Variants in RAPGEF6 observed in about 807,000 individuals in gnomAD.
RAPGEF6 encodes the protein PDZ domain containing guanine nucleotide exchange factor (GEF) 2.
Under a neutral mutation model 171.4 loss-of-function variants are expected in RAPGEF6, and 56 were observed. That is an observed-to-expected ratio of 0.33 (90% CI 0.26 to 0.41). The LOEUF is 0.41. Ranked by LOEUF, RAPGEF6 falls within the 10% of genes least tolerant of loss-of-function variation. The pLI, the probability that RAPGEF6 is intolerant of heterozygous loss-of-function variation, is 1.00. For missense variants in RAPGEF6, 1,674 were observed against 1,921.4 expected, an observed-to-expected ratio of 0.87 and a Z score of 2.41; for synonymous variants, 692 against 650.1, an observed-to-expected ratio of 1.06 and a Z score of -0.98.
intron 3 of RAPGEF6, among the ~76,000 whole-genome samples, chr5:131,598,332 T>C (rs1764025569): frequency 6.6e-6 from 1 of 151,736 alleles, no homozygotes. Context: ...GTAAAGGAAA[T>C]ATGGGACAAA....
intron 1 of RAPGEF6, among the ~76,000 whole-genome samples, chr5:131,617,917 T>C (rs1373258054): frequency 6.6e-6 from 1 of 152,198 alleles, no homozygotes; most frequent in Non-Finnish European, 1.5e-5. Flanking sequence ...TTCTCATTCA[T>C]GGAGGTATAA....
chr5:131,463,595 AC>A, intron 18 of RAPGEF6: 2 of 683,748 alleles, frequency 2.9e-6, no homozygotes, highest in South Asian at 6.7e-5. Context: ...AAAAAAAAAA[AC>A]CAGAGTAAGG....
At chr5:131,604,590 A>G (rs1318359550) in intron 2 of RAPGEF6, 33 bp downstream of exon 2, 1 of 1,602,086 alleles carries the variant, frequency 6.2e-7, no homozygotes, top group South Asian at 1.1e-5. Flanking sequence ...ATGGCTATAC[A>G]GCGTGTGCTC....
chr5:131,575,540 C>T (rs574000936), intron 4 of RAPGEF6, among the ~76,000 whole-genome samples: 2 of 152,298 alleles, frequency 1.3e-5, no homozygotes, highest in East Asian at 3.9e-4. Flanking sequence ...TTCTACAAAG[C>T]AACAACTCCT....
intron 1 of RAPGEF6, among the ~76,000 whole-genome samples, chr5:131,626,376 T>C (rs1272856428): frequency 1.3e-5 from 2 of 152,198 alleles, no homozygotes; most frequent in Non-Finnish European, 2.9e-5. Flanking sequence ...AGGCAATTTT[T>C]GCATCTTTGG....
chr5:131,544,490 A>G (rs1366020913), intron 6 of RAPGEF6, among the ~76,000 whole-genome samples: 4 of 152,178 alleles, frequency 2.6e-5, no homozygotes, highest in African/African-American at 9.7e-5. Flanking sequence ...ATAAAATTCT[A>G]GAAACTAAGA....
rs530772428 is a variant in RAPGEF6 at position 131,435,742 on chromosome 5, T to TA, written c.3746-2085dup. On this transcript the variant is annotated intron_variant, in intron 24 of 27. Transcript: ENST00000509018. Reference sequence around the variant, plus strand: ...CACAGATCCAGCTAACAGTAGGAAATAAAGTCAACTACAGAAAACAAGAGT... The same window carrying TA: ...CACAGATCCAGCTAACAGTAGGAAATAAAAGTCAACTACAGAAAACAAGAGT... 8.1e-5 allele frequency: 81 copies of TA among 998,304 alleles called. No individual in the cohort carries two copies. The East Asian group carries it at 1.9e-3, about 23-fold the overall frequency. The allele number at this position is 998,304 out of a possible 1,614,324, so 61.8% of individuals were successfully genotyped here.
intron 5 of RAPGEF6, among the ~76,000 whole-genome samples, chr5:131,550,497 T>G (rs1404327520): frequency 6.6e-6 from 1 of 152,260 alleles, no homozygotes; most frequent in Non-Finnish European, 1.5e-5. Context: ...TGATGTCTAA[T>G]CTGCTTTGTT....
rs113925659 is a variant in RAPGEF6 at position 131,531,416 on chromosome 5, G to A, written c.496-9895C>T. Reference sequence around the variant, plus strand: ...GTGTATAATAAAACTCACTGAATTAGAGTATATATTTTCCTACAACCTAGC... The same window carrying A: ...GTGTATAATAAAACTCACTGAATTAAAGTATATATTTTCCTACAACCTAGC... On this transcript the variant is annotated intron_variant, in intron 6 of 27. Coordinates refer to ENST00000509018, the MANE Select transcript of RAPGEF6 (RefSeq NM_016340.6). 1.8e-3 allele frequency among the ~76,000 whole-genome samples: 273 copies of A among 152,280 alleles called. 1 individual carries two copies. The highest frequency in any genetic ancestry group is 5.9e-3 in the African/African-American group (245 of 41,556).
chr5:131,618,492 G>A (rs943988437), intron 1 of RAPGEF6, among the ~76,000 whole-genome samples: 4 of 151,984 alleles, frequency 2.6e-5, no homozygotes, highest in Non-Finnish European at 5.9e-5. Context: ...ACAAAAATTA[G>A]CCGGGTGTGA....
At chr5:131,575,963 A>G (rs780624581) in intron 4 of RAPGEF6, among the ~76,000 whole-genome samples, 3 of 152,108 alleles carry the variant, frequency 2.0e-5, no homozygotes, top group Admixed American at 6.5e-5. Context: ...TACAACTCTC[A>G]TAACTTTCAA....
At chr5:131,548,902 A>AG (rs1178089924) in intron 5 of RAPGEF6, among the ~76,000 whole-genome samples, 1 of 151,826 alleles carries the variant, frequency 6.6e-6, no homozygotes, top group East Asian at 1.9e-4. Flanking sequence ...CCATTTCTAC[A>AG]GGGGGAAAAA....
chr5:131,601,765 G>A (rs1764270940), intron 3 of RAPGEF6, among the ~76,000 whole-genome samples: 1 of 152,168 alleles, frequency 6.6e-6, no homozygotes, highest in Non-Finnish European at 1.5e-5. Flanking sequence ...CGGGCGCAGT[G>A]GCTCACGCCT....
chr5:131,551,596 T>A (rs1411081440), intron 5 of RAPGEF6, among the ~76,000 whole-genome samples: 1 of 151,724 alleles, frequency 6.6e-6, no homozygotes, highest in Non-Finnish European at 1.5e-5. Context: ...TCCAACTTCA[T>A]ATTGCTCTAT....
intron 21 of RAPGEF6, among the ~76,000 whole-genome samples, chr5:131,451,818 C>T (rs1205250580): frequency 6.6e-6 from 1 of 152,054 alleles, no homozygotes; most frequent in Non-Finnish European, 1.5e-5. Context: ...TGTGTCGGCC[C>T]CTGTACATGA....
chr5:131,529,813 C>T (rs1375428464), intron 6 of RAPGEF6, among the ~76,000 whole-genome samples: 4 of 150,502 alleles, frequency 2.7e-5, no homozygotes, highest in South Asian at 4.2e-4. Context: ...TGGGAGGATC[C>T]CTTGAGCCCA....
At chr5:131,525,340 G>A (rs1758804034) in intron 6 of RAPGEF6, among the ~76,000 whole-genome samples, 1 of 151,742 alleles carries the variant, frequency 6.6e-6, no homozygotes, top group South Asian at 2.1e-4. Flanking sequence ...ACGCAAATAA[G>A]GTAGAAATAC....
At chr5:131,579,350 G>A (rs545011484) in intron 4 of RAPGEF6, among the ~76,000 whole-genome samples, 7 of 152,334 alleles carry the variant, frequency 4.6e-5, no homozygotes, top group African/African-American at 9.6e-5. Flanking sequence ...GTGTGGAAGG[G>A]GACAGGAGCA....
At chr5:131,619,588 C>A (rs758041) in intron 1 of RAPGEF6, among the ~76,000 whole-genome samples, 1,594 of 152,218 alleles carry the variant, frequency 0.01, 20 homozygotes, top group African/African-American at 0.036. Context: ...GATTGAGCAT[C>A]CAATTGTTTA....
Sources: allele counts gnomAD v4.1 joint callset (sites outside exome capture counted in the v4.1 genomes callset), GRCh38; gene constraint gnomAD v4.1.1; transcripts MANE v1.5; gene names NCBI Gene and HGNC (gene_info 2026-07-23, HGNC 2026-07-21).